The following HS1BP3 variants were observed in gnomAD, a reference collection of about 807,000 sequenced individuals.
HS1BP3 encodes HCLS1 binding protein 3, also known as HCLS1-binding protein 3.
In HS1BP3, 32 loss-of-function variants were observed where a neutral mutation model predicts 33.5. The observed-to-expected ratio is 0.95, with a 90% CI of 0.72 to 1.28. The LOEUF is 1.28. Ranked by LOEUF, HS1BP3 falls within the 50% of genes most tolerant of loss-of-function variation. The pLI, the probability that HS1BP3 is intolerant of heterozygous loss-of-function variation, is 0.00. For synonymous variants in HS1BP3, 187 were observed against 209.2 expected (o/e 0.89, Z 0.92); for missense variants, 486 against 502.3 (o/e 0.97, Z 0.31).
intron 5 of HS1BP3, among the ~76,000 whole-genome samples, chr2:20,577,909 A>C (rs943726565): frequency 6.6e-6 from 1 of 152,244 alleles, no homozygotes; most frequent in East Asian, 1.9e-4. Flanking sequence ...ACCTGCAAAC[A>C]CATTTCCAGG....
chr2:20,625,199 G>A (rs927710476), intron 4 of HS1BP3, among the ~76,000 whole-genome samples: 1 of 152,272 alleles, frequency 6.6e-6, no homozygotes, highest in African/African-American at 2.4e-5. Context: ...CCCAATGACA[G>A]AGTGGTAAGG....
the HS1BP3 span, among the ~76,000 whole-genome samples, chr2:20,553,866 G>C: frequency 7.9e-5 from 12 of 152,322 alleles, 1 homozygote; most frequent in South Asian, 1.0e-3. Context: ...ACGTGGAATG[G>C]TCTGAGATCT....
chr2:20,604,776 G>A (rs1366988478), intron 2 of HS1BP3, among the ~76,000 whole-genome samples: 1 of 152,120 alleles, frequency 6.6e-6, no homozygotes, highest in Non-Finnish European at 1.5e-5. Flanking sequence ...GCAGGTCGCA[G>A]AGGAGGGAAG....
chr2:20,576,151 T>C (rs150812256), intron 5 of HS1BP3, among the ~76,000 whole-genome samples: 193 of 152,272 alleles, frequency 1.3e-3, no homozygotes, highest in African/African-American at 4.6e-3. Flanking sequence ...GCTAATTTTC[T>C]TTTAGTTTTT....
At chr2:20,640,861 G>A in intron 3 of HS1BP3, 112 bp downstream of exon 3, 3 of 1,079,324 alleles carry the variant, frequency 2.8e-6, no homozygotes, top group Non-Finnish European at 4.2e-6. Context: ...CAGCCTGGCT[G>A]AAGCCTCCAG....
rs1406261174 is a variant in HS1BP3, at chr2:20,611,230, G to T, written c.178+12666C>A. 6.6e-6 allele frequency among the ~76,000 whole-genome samples: 1 copy of T among 152,190 alleles called. No homozygotes were observed. Among genetic ancestry groups the T allele is most frequent in the Non-Finnish European group, 1.5e-5 (1 of 68,030 alleles). ...ATGGATATTTGGGTTGTTTCCTTTG[G>T]GGGAGGAACCCTTATGAATAATGTT... On this transcript the variant is annotated intron_variant, in intron 2 of 3. Coordinates refer to the HS1BP3 transcript ENST00000415264. This position sits in a 1 kb window ranked among gnomAD's most constrained non-coding sequence, Gnocchi z 4.9.
At chr2:20,622,057 G>A (rs1242910712) in intron 6 of HS1BP3, 13 of 552,994 alleles carry the variant, frequency 2.4e-5, no homozygotes, top group Non-Finnish European at 3.5e-5. Context: ...CCCTGCCCTG[G>A]TGTGGCTGCA....
intron 4 of HS1BP3, among the ~76,000 whole-genome samples, chr2:20,625,114 C>T (rs1028134093): frequency 2.0e-5 from 3 of 152,200 alleles, no homozygotes; most frequent in East Asian, 1.9e-4. Flanking sequence ...GATGGTCACA[C>T]GGCCAAGGGA....
chr2:20,579,111 G>C (rs569263672), intron 5 of HS1BP3, among the ~76,000 whole-genome samples: 1 of 152,356 alleles, frequency 6.6e-6, no homozygotes, highest in Non-Finnish European at 1.5e-5. Context: ...GGAGGCTTCT[G>C]TTAAGTCCAG....
chr2:20,578,055 G>A (rs1026811851), intron 5 of HS1BP3, among the ~76,000 whole-genome samples: 25 of 152,214 alleles, frequency 1.6e-4, no homozygotes, highest in African/African-American at 5.8e-4. Context: ...TGATCCAGCC[G>A]GCTGGGGACC....
intron 4 of HS1BP3, among the ~76,000 whole-genome samples, chr2:20,633,958 G>A (rs1267054292): frequency 6.6e-6 from 1 of 152,260 alleles, no homozygotes; most frequent in South Asian, 2.1e-4. Flanking sequence ...TTTCCTTATG[G>A]CTTTGGGTCC....
In HS1BP3 at chr2:20,618,883, C is replaced by T; in HGVS notation, c.*104G>A. The T allele has an allele frequency of 6.8e-7, 1 of 1,465,140 alleles. No homozygotes were observed. The highest frequency in any genetic ancestry group is 9.0e-7 in the Non-Finnish European group (1 of 1,111,072). 90.8% of individuals were successfully genotyped at this position (1,465,140 alleles called of 1,614,324 possible). On this transcript the variant is annotated 3_prime_UTR_variant, in exon 7 of 7. Transcript: ENST00000304031. Reference sequence around the variant, plus strand: ...TGTGACCCAGGCTTCTGCCTGGCCTCCCCTGGGGGTGGGGAGGTTCTGACC... The same window carrying T: ...TGTGACCCAGGCTTCTGCCTGGCCTTCCCTGGGGGTGGGGAGGTTCTGACC...
chr2:20,650,918 TG>T (rs1035019813), intron 1 of HS1BP3, 113 bp downstream of exon 1: 13 of 941,256 alleles, frequency 1.4e-5, no homozygotes, highest in Non-Finnish European at 1.8e-5. Context: ...CCGAGGGCGC[TG>T]GGGAGACCTG....
intron 5 of HS1BP3, among the ~76,000 whole-genome samples, chr2:20,579,922 A>C (rs150972574): frequency 1.3e-5 from 2 of 152,270 alleles, no homozygotes; most frequent in East Asian, 1.9e-4. Flanking sequence ...AAGGTTCTGC[A>C]TGTGATCTTT....
chr2:20,617,627 G>GAGCT, downstream of HS1BP3, among the ~76,000 whole-genome samples: 2 of 142,904 alleles, frequency 1.4e-5, no homozygotes, highest in Non-Finnish European at 3.2e-5. Context: ...GGCTCCCTCA[G>GAGCT]GGCTGGCTTT....
At chr2:20,580,888 A>G (rs1344245757) in intron 5 of HS1BP3, among the ~76,000 whole-genome samples, 1 of 152,274 alleles carries the variant, frequency 6.6e-6, no homozygotes, top group Non-Finnish European at 1.5e-5. Flanking sequence ...TGCATGGACC[A>G]TGTGAACAAG....
At chr2:20,629,565 G>A (rs1452421330) in intron 4 of HS1BP3, among the ~76,000 whole-genome samples, 1 of 152,238 alleles carries the variant, frequency 6.6e-6, no homozygotes, top group East Asian at 1.9e-4. Context: ...TGCAGCTCCT[G>A]GCTTCCTGGT....
intron 3 of HS1BP3, among the ~76,000 whole-genome samples, chr2:20,595,484 G>C (rs1020499672): frequency 2.6e-5 from 4 of 152,182 alleles, no homozygotes; most frequent in African/African-American, 9.7e-5. Context: ...GAGTTCCCCT[G>C]AGGCAGCAGG....
At chr2:20,605,873 C>T (rs898174400) in intron 2 of HS1BP3, among the ~76,000 whole-genome samples, 3 of 152,066 alleles carry the variant, frequency 2.0e-5, no homozygotes, top group Admixed American at 6.5e-5. Context: ...ATGTTGTTTC[C>T]ACCTTTTAGC....
Sources: gnomAD v4.1 joint callset for allele counts (sites outside exome capture counted in the v4.1 genomes callset) on GRCh38, gnomAD v4.1.1 for gene constraint, Gnocchi (gnomAD v3.1) non-coding constraint, MANE v1.5 for transcripts, NCBI Gene and HGNC (gene_info 2026-07-23, HGNC 2026-07-21) for gene names.